IQGAP2: variants seen among roughly 807,000 people sequenced by gnomAD.
IQGAP2 encodes the protein ras GTPase-activating-like protein IQGAP2.
Under a neutral mutation model 201.3 loss-of-function variants are expected in IQGAP2, and 173 were observed. That is an observed-to-expected ratio of 0.86 (90% confidence interval 0.76 to 0.98). The LOEUF (loss-of-function observed/expected upper bound fraction) is 0.98. Among genes scored for constraint, IQGAP2 ranks in the 50% least tolerant of loss-of-function variants. IQGAP2 has a pLI of 0.00. For synonymous variants in IQGAP2, 675 were observed against 673.9 expected (o/e 1.00, Z -0.03); for missense variants, 1,687 against 1,864.8 (o/e 0.90, Z 1.76).
intron 1 of IQGAP2, among the ~76,000 whole-genome samples, chr5:76,416,279 G>A (rs958303961): frequency 8.5e-5 from 13 of 152,152 alleles, no homozygotes; most frequent in African/African-American, 2.7e-4. Context: ...TGCTGCTTTC[G>A]TCACTCAAAT....
intron 2 of IQGAP2, among the ~76,000 whole-genome samples, chr5:76,479,070 C>T (rs957927250): frequency 6.6e-6 from 1 of 152,030 alleles, no homozygotes; most frequent in African/African-American, 2.4e-5. Flanking sequence ...CCATACTCAC[C>T]CCTTTTACAC....
At chr5:76,514,391 G>A (rs1758177895) in intron 2 of IQGAP2, among the ~76,000 whole-genome samples, 1 of 152,096 alleles carries the variant, frequency 6.6e-6, no homozygotes, top group Admixed American at 6.5e-5. Flanking sequence ...TGGCACACTT[G>A]ATATTTTGCT....
chr5:76,669,399 C>T (rs1330705623), intron 23 of IQGAP2, among the ~76,000 whole-genome samples: 1 of 152,152 alleles, frequency 6.6e-6, no homozygotes, highest in Non-Finnish European at 1.5e-5. Flanking sequence ...AGCCAGGCAC[C>T]TCTGCCCACC....
chr5:76,505,602 A>AG (rs1757570091), intron 2 of IQGAP2, among the ~76,000 whole-genome samples: 1 of 152,142 alleles, frequency 6.6e-6, no homozygotes, highest in African/African-American at 2.4e-5. Flanking sequence ...GGGGAGCTGT[A>AG]GAGCTAGATC....
chr5:76,526,588 A>G (rs1327931473), intron 2 of IQGAP2, among the ~76,000 whole-genome samples: 1 of 152,212 alleles, frequency 6.6e-6, no homozygotes, highest in African/African-American at 2.4e-5. Context: ...TAAATGTTTT[A>G]ACAATAACTA....
intron 1 of IQGAP2, among the ~76,000 whole-genome samples, chr5:76,433,744 G>A (rs1400999445): frequency 1.3e-5 from 2 of 152,328 alleles, no homozygotes; most frequent in South Asian, 4.1e-4. Context: ...ATGTCAGGAA[G>A]TTGAGGCGTA....
At chr5:76,507,595 G>A (rs1197448992) in intron 2 of IQGAP2, among the ~76,000 whole-genome samples, 2 of 152,126 alleles carry the variant, frequency 1.3e-5, no homozygotes, top group Non-Finnish European at 2.9e-5. Flanking sequence ...TCAAGAGAAT[G>A]AAAAGACAGG....
At chr5:76,490,858 A>G (rs1191691173) in intron 2 of IQGAP2, among the ~76,000 whole-genome samples, 2 of 152,222 alleles carry the variant, frequency 1.3e-5, no homozygotes, top group Non-Finnish European at 2.9e-5. Flanking sequence ...GTAGGACCAA[A>G]GGGCTGAACA....
At chr5:76,667,145 C>T (rs560420538) in intron 22 of IQGAP2, among the ~76,000 whole-genome samples, 15 of 149,364 alleles carry the variant, frequency 1.0e-4, no homozygotes, top group Non-Finnish European at 2.0e-4. Flanking sequence ...TTTTAGGTAA[C>T]CTTAGGAGGA....
At chr5:76,523,244 T>C (rs1329257397) in intron 2 of IQGAP2, among the ~76,000 whole-genome samples, 1 of 151,248 alleles carries the variant, frequency 6.6e-6, no homozygotes, top group Non-Finnish European at 1.5e-5. Context: ...ACCACCACAC[T>C]CTGCTAATTT....
chr5:76,404,323 C>T (rs1171916170), intron 1 of IQGAP2: 2 of 290,614 alleles, frequency 6.9e-6, no homozygotes, highest in Non-Finnish European at 1.0e-5. Context: ...AAATAGGTTG[C>T]TTTGGCCGAT....
intron 4 of IQGAP2, 103 bp from the exon 5 acceptor site, chr5:76,575,590 A>G (rs1437061601): frequency 1.4e-5 from 8 of 566,626 alleles, no homozygotes; most frequent in Non-Finnish European, 2.1e-5. Context: ...ATATTTAAAT[A>G]ATTATAGGAT....
At chr5:76,556,244 G>A (rs1320871718) in intron 2 of IQGAP2, among the ~76,000 whole-genome samples, 1 of 152,058 alleles carries the variant, frequency 6.6e-6, no homozygotes, top group Non-Finnish European at 1.5e-5. Flanking sequence ...CATAGTGCGG[G>A]GAAGGCTGGT....
intron 11 of IQGAP2, among the ~76,000 whole-genome samples, chr5:76,603,725 T>C (rs1290201526): frequency 1.3e-5 from 2 of 152,194 alleles, no homozygotes; most frequent in African/African-American, 2.4e-5. Context: ...TTACATGTAG[T>C]AAGTGCTCAC....
At chr5:76,702,674 C>T in intron 35 of IQGAP2, 84 bp downstream of exon 35, 2 of 588,326 alleles carry the variant, frequency 3.4e-6, no homozygotes, top group Non-Finnish European at 3.1e-6. Context: ...CTCTTCAGGA[C>T]AACAATAAAG....
chr5:76,425,602 A>T (rs190543202), intron 1 of IQGAP2, among the ~76,000 whole-genome samples: 62 of 152,178 alleles, frequency 4.1e-4, no homozygotes, highest in African/African-American at 1.5e-3. Context: ...TGTAGTCTTC[A>T]TTTTTCCCAG....
At chr5:76,570,490 A>T in intron 3 of IQGAP2, 90 bp from the exon 4 acceptor site, 1 of 837,600 alleles carries the variant, frequency 1.2e-6, no homozygotes, top group African/African-American at 1.7e-5. Flanking sequence ...TACAATTGAA[A>T]AGCATCCTGT....
chr5:76,588,132 A>G (rs1038005459), intron 5 of IQGAP2, among the ~76,000 whole-genome samples: 1 of 152,208 alleles, frequency 6.6e-6, no homozygotes, highest in Non-Finnish European at 1.5e-5. Context: ...ATCTCACATC[A>G]ACATCTGAAG....
chr5:76,422,339 G>A (rs780568904), intron 1 of IQGAP2, among the ~76,000 whole-genome samples: 3 of 152,216 alleles, frequency 2.0e-5, no homozygotes, highest in South Asian at 2.1e-4. Flanking sequence ...AGTGTGTTCC[G>A]AGGAGTCTGA....
Sources: gnomAD v4.1 joint callset for allele counts (sites outside exome capture counted in the v4.1 genomes callset) on GRCh38, gnomAD v4.1.1 for gene constraint, MANE v1.5 for transcripts, NCBI Gene and HGNC (gene_info 2026-07-23, HGNC 2026-07-21) for gene names.